Variants in OTOGL observed in about 807,000 individuals in gnomAD.
OTOGL encodes otogelin like.
Under a neutral mutation model 318.5 loss-of-function variants are expected in OTOGL, and 285 were observed. That is an observed-to-expected ratio of 0.89 (90% confidence interval 0.81 to 0.99). The LOEUF (loss-of-function observed/expected upper bound fraction) is 0.99, where lower values mean the gene tolerates loss of function less well. Ranked by LOEUF, OTOGL falls within the 50% of genes least tolerant of loss-of-function variation. The pLI, the probability that OTOGL is intolerant of heterozygous loss-of-function variation, is 0.00. For synonymous variants in OTOGL, 987 were observed against 936.5 expected (o/e 1.05, Z -0.99); for missense variants, 2,899 against 2,845.6 (o/e 1.02, Z -0.43).
chr12:80,180,708 G>A (rs937720260), intron 1 of OTOGL, among the ~76,000 whole-genome samples: 3 of 152,158 alleles, frequency 2.0e-5, no homozygotes, highest in Admixed American at 6.6e-5. Context: ...GGTACTGAGA[G>A]GGCCAATAAT....
intron 11 of OTOGL, among the ~76,000 whole-genome samples, chr12:80,250,820 G>C (rs1881476721): frequency 6.6e-6 from 1 of 152,144 alleles, no homozygotes; most frequent in African/African-American, 2.4e-5. Context: ...GTTTGGATTA[G>C]GTTGAAAAAC....
At chr12:80,357,327 G>T (rs1282334055) in intron 49 of OTOGL, among the ~76,000 whole-genome samples, 1 of 152,058 alleles carries the variant, frequency 6.6e-6, no homozygotes. Context: ...AAGAATGGCA[G>T]AAAGAAAGAG....
chr12:80,353,228 A>G, intron 45 of OTOGL, 97 bp from the exon 46 acceptor site: 3 of 1,106,014 alleles, frequency 2.7e-6, no homozygotes, highest in Non-Finnish European at 3.6e-6. Context: ...AATTTGCAAA[A>G]TATATTTTCT....
chr12:80,203,171 A>C (rs1044915851), intron 1 of OTOGL, among the ~76,000 whole-genome samples: 9 of 152,168 alleles, frequency 5.9e-5, no homozygotes, highest in African/African-American at 1.9e-4. Flanking sequence ...TATCTTATAG[A>C]TCTGGATACC....
At chr12:80,307,353 A>G (rs1294834903) in intron 29 of OTOGL, among the ~76,000 whole-genome samples, 1 of 151,576 alleles carries the variant, frequency 6.6e-6, no homozygotes, top group African/African-American at 2.4e-5. Flanking sequence ...GTGGCCGGGC[A>G]GAGGGGCTCC....
intron 1 of OTOGL, among the ~76,000 whole-genome samples, chr12:80,207,108 G>A (rs772780038): frequency 2.6e-5 from 4 of 152,070 alleles, no homozygotes; most frequent in Non-Finnish European, 4.4e-5. Context: ...TTCTAGTAGT[G>A]TTAGAAATAA....
chr12:80,301,750 G>T (rs1373377864), intron 27 of OTOGL, among the ~76,000 whole-genome samples: 2 of 152,038 alleles, frequency 1.3e-5, no homozygotes, highest in Non-Finnish European at 2.9e-5. Flanking sequence ...ACATACAGTA[G>T]TTCCCCCTTA....
At chr12:80,255,485 C>T (rs549792624) in intron 16 of OTOGL, among the ~76,000 whole-genome samples, 15 of 151,794 alleles carry the variant, frequency 9.9e-5, no homozygotes, top group Non-Finnish European at 1.8e-4. Context: ...AAAAGTAGTA[C>T]GTATAGTTTT....
chr12:80,287,415 GC>G (rs1884716585), intron 26 of OTOGL, among the ~76,000 whole-genome samples: 2 of 151,630 alleles, frequency 1.3e-5, no homozygotes, highest in African/African-American at 4.9e-5. Flanking sequence ...TATTAGGTCT[GC>G]CTGGTCCAGA....
Position 80,370,684 on chromosome 12 carries a change from A to C in OTOGL, c.6730A>C (p.Lys2244Gln). ...TCCCCCTTTTAATGAGACTGAATGC[A>C]AAATGGTTTGTACTTTGTTGTATCT... ...VCPPFNETEC[K>Q]MNEGIVKLYN... is the part of the protein sequence containing the mutation. The change falls in exon 56 of 59, where the codon AAA (lysine) becomes CAA (glutamine). Residue 2244 changes from lysine to glutamine, a missense_variant. Physicochemically the swap from Lys to Gln is moderately conservative, Grantham distance 53. Around this residue, in one of 3 missense-constraint regions of OTOGL, gnomAD observed 289 missense variants for 304.6 expected, o/e 0.95. Coordinates refer to ENST00000547103, the MANE Select transcript of OTOGL (RefSeq NM_001378609.3). 1 of 1,573,628 alleles carries C rather than the reference A, an allele frequency of 6.4e-7. No homozygotes were observed. The highest frequency in any genetic ancestry group is 8.7e-7 in the Non-Finnish European group (1 of 1,156,028).
chr12:80,323,683 T>G, intron 34 of OTOGL, 40 bp from the exon 35 acceptor site: 1 of 1,426,684 alleles, frequency 7.0e-7, no homozygotes, highest in Middle Eastern at 1.8e-4. Context: ...TCAAGCTATG[T>G]ATTAAATATG....
intron 29 of OTOGL, among the ~76,000 whole-genome samples, chr12:80,308,987 AG>A (rs550816794): frequency 0.013 from 467 of 37,202 alleles, no homozygotes; most frequent in Non-Finnish European, 0.03. Flanking sequence ...CCGTGGGGAG[AG>A]GGAGAGGGAG....
chr12:80,255,154 C>A lies in OTOGL; in HGVS notation c.1556C>A (p.Thr519Lys). The A allele has an allele frequency of 1.3e-6, 2 of 1,520,816 alleles. No individual in the cohort carries two copies. Among genetic ancestry groups the A allele is most frequent in the Non-Finnish European group, 1.8e-6 (2 of 1,138,398 alleles). 94.2% of individuals were successfully genotyped at this position (1,520,816 alleles called of 1,614,324 possible). Reference sequence around the variant, plus strand: ...AAAGGAACTGGAAAAGATAAATTCACGATTACTTTACAGAAAGCTCCCTGT... The same window carrying A: ...AAAGGAACTGGAAAAGATAAATTCAAGATTACTTTACAGAAAGCTCCCTGT... The part of the protein sequence containing the change: ...LVKGTGKDKF[T>K]ITLQKAPCEQ... The change falls in exon 16 of 59, where the codon ACG becomes AAG. Residue 519 changes from threonine to lysine, a missense_variant. Transcript: ENST00000547103.
chr12:80,343,486 C>CTTGGTTTTTTTT (rs1565999648), intron 44 of OTOGL: 1 of 71,354 alleles, frequency 1.4e-5, no homozygotes, highest in Non-Finnish European at 3.3e-5. Context: ...TTATTTTTTA[C>CTTGGTTTTTTTT]ATTTTTATTA....
chr12:80,137,023 GA>G (rs1248482142), intron 1 of OTOGL, among the ~76,000 whole-genome samples: 3 of 151,644 alleles, frequency 2.0e-5, no homozygotes, highest in Admixed American at 6.6e-5. Flanking sequence ...GTCAGTCACA[GA>G]AAAAAAAGTG....
chr12:80,260,704 G>C (rs1882459141), intron 18 of OTOGL, among the ~76,000 whole-genome samples: 1 of 152,104 alleles, frequency 6.6e-6, no homozygotes, highest in Non-Finnish European at 1.5e-5. Flanking sequence ...TAAAATGAAA[G>C]ACAATAAATA....
At chr12:80,366,001 C>T (rs4842348) in intron 52 of OTOGL, among the ~76,000 whole-genome samples, 143,383 of 152,186 alleles carry the variant, frequency 0.94, 67,621 homozygotes, top group East Asian at 1. Context: ...AAATGCTCTA[C>T]AGGACTTTCT....
At chr12:80,322,776 C>T (rs1887421532) in intron 34 of OTOGL, among the ~76,000 whole-genome samples, 3 of 152,190 alleles carry the variant, frequency 2.0e-5, no homozygotes, top group Admixed American at 1.3e-4. Flanking sequence ...TTCAAATCCG[C>T]CCATATATTT....
At chr12:80,330,879 G>A (rs898332398) in intron 37 of OTOGL, among the ~76,000 whole-genome samples, 5 of 152,184 alleles carry the variant, frequency 3.3e-5, no homozygotes, top group African/African-American at 1.2e-4. Flanking sequence ...TGCATTTATA[G>A]TAGTATCAAA....
Sources: allele counts gnomAD v4.1 joint callset (sites outside exome capture counted in the v4.1 genomes callset), GRCh38; gene constraint gnomAD v4.1.1; regional missense constraint gnomAD v4.1.1; transcripts MANE v1.5; gene names NCBI Gene and HGNC (gene_info 2026-07-23, HGNC 2026-07-21).